The following SLC9A9 variants were observed in gnomAD, a reference collection of about 807,000 sequenced individuals.
The protein encoded by SLC9A9 is sodium/hydrogen exchanger 9.
SLC9A9 carries 62 observed loss-of-function variants against 77.8 expected under a neutral mutation model. That is an observed-to-expected ratio of 0.80 (90% CI 0.65 to 0.98). The LOEUF is 0.98. Ranked by LOEUF, SLC9A9 falls within the 50% of genes least tolerant of loss-of-function variation. SLC9A9 has a pLI of 0.00. For synonymous variants in SLC9A9, 320 were observed against 283.5 expected (o/e 1.13, Z -1.29); for missense variants, 775 against 774.9 (o/e 1.00, Z 0.00).
At chr3:143,615,609 C>T (rs781431399) in intron 6 of SLC9A9, among the ~76,000 whole-genome samples, 1 of 151,954 alleles carries the variant, frequency 6.6e-6, no homozygotes, top group Non-Finnish European at 1.5e-5. Flanking sequence ...ACTAGAACCA[C>T]TCAAGAGGCC....
intron 5 of SLC9A9, among the ~76,000 whole-genome samples, chr3:143,692,984 T>A (rs1933520406): frequency 6.6e-6 from 1 of 152,174 alleles, no homozygotes; most frequent in African/African-American, 2.4e-5. Flanking sequence ...TCTCTCCCAC[T>A]ACTGAAATTA....
chr3:143,456,820 C>T (rs2035101769), intron 12 of SLC9A9, among the ~76,000 whole-genome samples: 1 of 152,176 alleles, frequency 6.6e-6, no homozygotes, highest in Non-Finnish European at 1.5e-5. Flanking sequence ...ACCTTGGCCT[C>T]CCAGAGTGCT....
intron 4 of SLC9A9, among the ~76,000 whole-genome samples, chr3:143,741,903 T>C (rs186721319): frequency 5.9e-5 from 9 of 152,232 alleles, no homozygotes; most frequent in Admixed American, 1.3e-4. Context: ...TGGGAGAAAC[T>C]TAGCTTATAG....
At chr3:143,576,274 G>A (rs1464265135) in intron 7 of SLC9A9, among the ~76,000 whole-genome samples, 1 of 152,336 alleles carries the variant, frequency 6.6e-6, no homozygotes, top group African/African-American at 2.4e-5. Flanking sequence ...CTACCTTCCA[G>A]TGTTCTTGTA....
At chr3:143,444,220 T>C (rs911158215) in intron 12 of SLC9A9, among the ~76,000 whole-genome samples, 4 of 152,228 alleles carry the variant, frequency 2.6e-5, no homozygotes, top group African/African-American at 9.6e-5. Flanking sequence ...CGAAATTGTT[T>C]GGTCCTAAAT....
At chr3:143,781,658 C>G (rs951255902) in intron 4 of SLC9A9, among the ~76,000 whole-genome samples, 1 of 152,084 alleles carries the variant, frequency 6.6e-6, no homozygotes, top group Non-Finnish European at 1.5e-5. Context: ...ACATGCAACC[C>G]CAGGGCAAAT....
intron 4 of SLC9A9, among the ~76,000 whole-genome samples, chr3:143,762,706 C>T (rs947799339): frequency 6.6e-6 from 1 of 152,114 alleles, no homozygotes; most frequent in African/African-American, 2.4e-5. Context: ...ATTGTCTTCT[C>T]CACCCTCCTC....
intron 14 of SLC9A9, among the ~76,000 whole-genome samples, chr3:143,320,242 G>A (rs899273293): frequency 6.6e-6 from 1 of 152,232 alleles, no homozygotes; most frequent in Admixed American, 6.5e-5. Context: ...CTGGTGCATA[G>A]TAGTTGCTCA....
chr3:143,520,576 T>C (rs1395697692), intron 9 of SLC9A9, among the ~76,000 whole-genome samples: 3 of 152,246 alleles, frequency 2.0e-5, no homozygotes, highest in African/African-American at 7.2e-5. Context: ...TATAATACTT[T>C]ACACACAAAC....
intron 14 of SLC9A9, among the ~76,000 whole-genome samples, chr3:143,305,647 T>C (rs1470302640): frequency 1.3e-5 from 2 of 152,172 alleles, no homozygotes; most frequent in Non-Finnish European, 2.9e-5. Context: ...ACACAAATAC[T>C]ATCATGTGGA....
chr3:143,770,738 A>C (rs2007488476), intron 4 of SLC9A9, among the ~76,000 whole-genome samples: 1 of 152,192 alleles, frequency 6.6e-6, no homozygotes, highest in South Asian at 2.1e-4. Flanking sequence ...TCACTGAAAA[A>C]AACTCTCCAT....
At chr3:143,673,087 G>A (rs749545058) in intron 5 of SLC9A9, among the ~76,000 whole-genome samples, 4 of 152,178 alleles carry the variant, frequency 2.6e-5, no homozygotes, top group Non-Finnish European at 5.9e-5. Flanking sequence ...CTACTTAAAT[G>A]TTAAATGAAA....
chr3:143,592,484 C>T (rs1051058123), intron 6 of SLC9A9, among the ~76,000 whole-genome samples: 3 of 152,178 alleles, frequency 2.0e-5, no homozygotes, highest in Non-Finnish European at 4.4e-5. Context: ...TGGGATCAAA[C>T]GTGGCTGCTC....
intron 4 of SLC9A9, among the ~76,000 whole-genome samples, chr3:143,696,360 C>T (rs1933640296): frequency 6.6e-6 from 1 of 152,186 alleles, no homozygotes; most frequent in African/African-American, 2.4e-5. Flanking sequence ...ATGTGTCAGG[C>T]TCCATGCTAA....
At chr3:143,821,216 C>T (rs546382280) in intron 2 of SLC9A9, among the ~76,000 whole-genome samples, 3 of 152,330 alleles carry the variant, frequency 2.0e-5, no homozygotes, top group African/African-American at 4.8e-5. Flanking sequence ...CTCCATCACA[C>T]GCTCCTCAGA....
chr3:143,390,844 C>T (rs1472850072), intron 12 of SLC9A9, among the ~76,000 whole-genome samples: 1 of 152,232 alleles, frequency 6.6e-6, no homozygotes, highest in Admixed American at 6.5e-5. Flanking sequence ...CACAGAGCCT[C>T]ACTCATTGCT....
chr3:143,635,319 T>C (rs751831795), intron 6 of SLC9A9, among the ~76,000 whole-genome samples: 5 of 152,206 alleles, frequency 3.3e-5, no homozygotes, highest in Non-Finnish European at 5.9e-5. Context: ...ACTAAAGGCC[T>C]GGACCTGGAA....
chr3:143,820,700 T>C (rs2009143630), intron 2 of SLC9A9, among the ~76,000 whole-genome samples: 1 of 152,182 alleles, frequency 6.6e-6, no homozygotes, highest in Non-Finnish European at 1.5e-5. Flanking sequence ...TGGTCCTGCG[T>C]CTCACCAAGA....
chr3:143,314,919 T>C (rs2031154273), intron 14 of SLC9A9, among the ~76,000 whole-genome samples: 1 of 152,212 alleles, frequency 6.6e-6, no homozygotes, highest in South Asian at 2.1e-4. Context: ...CTGCACTCAA[T>C]AGTGAGTAAC....
Sources: gnomAD v4.1 joint callset for allele counts (sites outside exome capture counted in the v4.1 genomes callset) on GRCh38, gnomAD v4.1.1 for gene constraint, MANE v1.5 for transcripts, NCBI Gene and HGNC (gene_info 2026-07-23, HGNC 2026-07-21) for gene names.